The following ARHGAP42 variants were observed in gnomAD, a reference collection of about 807,000 sequenced individuals.
ARHGAP42 encodes Rho GTPase activating protein 42.
A neutral mutation model predicts 125.0 loss-of-function variants in ARHGAP42; 63 were observed. The ratio of observed to expected loss-of-function variants is 0.50; its 90% CI spans 0.41 to 0.62. The LOEUF is 0.62. Among genes scored for constraint, ARHGAP42 ranks in the 20% least tolerant of loss-of-function variants. The pLI, the probability that ARHGAP42 is intolerant of heterozygous loss-of-function variation, is 0.00. For missense variants in ARHGAP42, 766 were observed against 1,024.2 expected (o/e 0.75, Z 3.44); for synonymous variants, 339 against 351.0 (o/e 0.97, Z 0.38).
intron 12 of ARHGAP42, among the ~76,000 whole-genome samples, chr11:100,954,648 C>T (rs1857754743): frequency 6.6e-6 from 1 of 152,106 alleles, no homozygotes; most frequent in Non-Finnish European, 1.5e-5. Context: ...TATCATCCTC[C>T]TTCTTTGCCA....
intron 3 of ARHGAP42, among the ~76,000 whole-genome samples, chr11:100,818,121 A>T (rs1296944955): frequency 6.6e-6 from 1 of 152,168 alleles, no homozygotes; most frequent in African/African-American, 2.4e-5. Context: ...CTGCTGATCT[A>T]CCCATTATTG....
At chr11:100,692,854 G>A (rs1861214309) in intron 1 of ARHGAP42, among the ~76,000 whole-genome samples, 1 of 152,172 alleles carries the variant, frequency 6.6e-6, no homozygotes, top group Middle Eastern at 3.2e-3. Flanking sequence ...ATAACAGGTG[G>A]AAACACCTTA....
intron 4 of ARHGAP42, among the ~76,000 whole-genome samples, chr11:100,873,226 G>A (rs1185157341): frequency 6.6e-6 from 1 of 152,132 alleles, no homozygotes; most frequent in East Asian, 1.9e-4. Flanking sequence ...GATATATACG[G>A]GTATGATTGC....
chr11:100,803,532 T>G (rs1268200260), intron 3 of ARHGAP42, among the ~76,000 whole-genome samples: 1 of 152,170 alleles, frequency 6.6e-6, no homozygotes, highest in Non-Finnish European at 1.5e-5. Flanking sequence ...ATAGGAGAAC[T>G]GAGAGGAAGC....
At chr11:100,884,117 T>C (rs915751614) in intron 4 of ARHGAP42, among the ~76,000 whole-genome samples, 2 of 152,204 alleles carry the variant, frequency 1.3e-5, no homozygotes, top group Non-Finnish European at 2.9e-5. Context: ...TGGCAATGTA[T>C]GTGGTCTTCC....
At chr11:100,791,939 A>G (rs900447188) in intron 2 of ARHGAP42, among the ~76,000 whole-genome samples, 1 of 152,228 alleles carries the variant, frequency 6.6e-6, no homozygotes, top group Admixed American at 6.5e-5. Context: ...TTAAACAAAA[A>G]AGTAGAATAG....
chr11:100,802,424 CTT>C (rs777832011), intron 3 of ARHGAP42, among the ~76,000 whole-genome samples: 7 of 123,866 alleles, frequency 5.7e-5, no homozygotes, highest in South Asian at 2.6e-4. Flanking sequence ...TCCTTTCTTT[CTT>C]TTTTTTTTTT....
intron 3 of ARHGAP42, among the ~76,000 whole-genome samples, chr11:100,846,147 A>G (rs1865061180): frequency 6.6e-6 from 1 of 152,138 alleles, no homozygotes; most frequent in African/African-American, 2.4e-5. Context: ...TAATGAGGTA[A>G]TTAACCTTTT....
At position 100,987,483 on chromosome 11, in the gene ARHGAP42, A is replaced by C. The variant is rs751628674; in HGVS notation, c.2457-30A>C. 10 of 1,529,582 alleles carry C rather than the reference A, an allele frequency of 6.5e-6. No individual in the cohort carries two copies. The South Asian group carries it at 9.6e-5, about 15-fold the overall frequency. The allele number at this position is 1,529,582 out of a possible 1,614,324, so 94.8% of individuals were successfully genotyped here. On this transcript the variant is annotated intron_variant, in intron 22 of 23. Transcript: ENST00000298815. ...ATAGATGTCCTTAGGTTGAGTGTTG[A>C]GGTTTTGACAAGTTGTCTTGCTCTT... is the stretch of plus-strand genomic sequence containing the variant.
At chr11:100,768,326 C>T (rs1862882582) in intron 1 of ARHGAP42, among the ~76,000 whole-genome samples, 2 of 151,862 alleles carry the variant, frequency 1.3e-5, no homozygotes, top group South Asian at 4.2e-4. Context: ...GAGACATCGA[C>T]GGTAGTAGGA....
chr11:100,756,665 G>T (rs1289171374), intron 1 of ARHGAP42, among the ~76,000 whole-genome samples: 8 of 152,150 alleles, frequency 5.3e-5, no homozygotes, highest in Non-Finnish European at 1.0e-4. Flanking sequence ...TCTTTTATTT[G>T]CAGTAAGATG....
At position 100,941,817 on chromosome 11, in the gene ARHGAP42, G is replaced by C; in HGVS notation, c.866G>C (p.Cys289Ser). 1 of 1,535,846 alleles carries C rather than the reference G, an allele frequency of 6.5e-7. No individual in the cohort carries two copies. The highest frequency in any genetic ancestry group is 8.8e-7 in the Non-Finnish European group (1 of 1,142,420). ...GGTTTTACATGGATTAAACATTATT[G>C]TACATATGATAAGGGAAGTAAAACA... Reference protein sequence around the residue: ...PLGFTWIKHYCTYDKGSKTFT... With the variant: ...PLGFTWIKHYSTYDKGSKTFT... The change falls in exon 9 of 24, where the codon TGT (cysteine) becomes TCT (serine). Residue 289 changes from cysteine (C) to serine (S), a missense_variant. Cys to Ser is a moderately radical substitution (Grantham distance 112, BLOSUM62 -1). Transcript: ENST00000298815.
Position 100,942,330 on chromosome 11 carries a change from G to T in ARHGAP42, c.933+446G>T, listed in dbSNP as rs376073467. 1.1e-4 allele frequency among the ~76,000 whole-genome samples: 16 copies of T among 152,242 alleles called. No individual in the cohort carries two copies. In the South Asian group the frequency reaches 3.3e-3, roughly 31 times the overall value. On this transcript the variant is annotated intron_variant, in intron 9 of 23. Transcript: ENST00000298815. ...TGCACTGCATACTGTTAACCAAAAT[G>T]CTGGCTAACAAGCTTTCTCAGAAGA... is the stretch of plus-strand genomic sequence containing the variant.
intron 22 of ARHGAP42, among the ~76,000 whole-genome samples, chr11:100,980,633 C>T (rs1366039047): frequency 8.2e-6 from 1 of 122,266 alleles, no homozygotes; most frequent in African/African-American, 3.1e-5. Context: ...TGCAGTGGTG[C>T]GATCTTGGCT....
intron 3 of ARHGAP42, among the ~76,000 whole-genome samples, chr11:100,836,007 G>C (rs1864779178): frequency 6.6e-6 from 1 of 151,920 alleles, no homozygotes. Flanking sequence ...AGATTTTTGG[G>C]TCATTTTTCA....
chr11:100,925,204 G>A (rs1213442105), intron 6 of ARHGAP42, among the ~76,000 whole-genome samples: 2 of 151,810 alleles, frequency 1.3e-5, no homozygotes, highest in African/African-American at 2.4e-5. Flanking sequence ...ATATAGAAAG[G>A]GATTATAGCT....
intron 18 of ARHGAP42, among the ~76,000 whole-genome samples, chr11:100,974,125 T>C (rs762254775): frequency 6.6e-6 from 1 of 152,200 alleles, no homozygotes; most frequent in South Asian, 2.1e-4. Flanking sequence ...AGAAATGATA[T>C]AGAGTGAGCC....
rs751816682 is a variant in ARHGAP42, at chr11:100,963,056, G to T, written c.1444+589G>T. Among the ~76,000 whole-genome samples, 5 of 152,100 alleles carry T rather than the reference G, an allele frequency of 3.3e-5. No individual in the cohort carries two copies. In the South Asian group the frequency reaches 1.0e-3, roughly 32 times the overall value. ...TTATTATTCTAATTTCATTTTATTT[G>T]AATGACAAATACCAGTTTCTTTTAA... On this transcript the variant is annotated intron_variant, in intron 16 of 23. Transcript: ENST00000298815.
chr11:100,951,925 CA>C (rs1447733494), intron 12 of ARHGAP42, among the ~76,000 whole-genome samples: 2 of 152,134 alleles, frequency 1.3e-5, no homozygotes, highest in Admixed American at 1.3e-4. Flanking sequence ...GTAGTCAATA[CA>C]GGCCTTTCCT....
Sources: allele counts gnomAD v4.1 joint callset (sites outside exome capture counted in the v4.1 genomes callset), GRCh38; gene constraint gnomAD v4.1.1; transcripts MANE v1.5; gene names NCBI Gene and HGNC (gene_info 2026-07-23, HGNC 2026-07-21).